Variants in ASB3 observed in about 807,000 individuals in gnomAD.
ASB3 encodes the protein ankyrin repeat and SOCS box containing 3.
A neutral mutation model predicts 54.5 loss-of-function variants in ASB3; 41 were observed. That is an observed-to-expected ratio of 0.75 (90% CI 0.59 to 0.98). The LOEUF is 0.98. Ranked by LOEUF, ASB3 falls within the 50% of genes least tolerant of loss-of-function variation. The probability of loss-of-function intolerance (pLI) is 0.00; values close to 1 mark genes in which losing one functional copy is unlikely to be tolerated. For synonymous variants in ASB3, 266 were observed against 221.2 expected (o/e 1.20, Z -1.80); for missense variants, 733 against 620.0 (o/e 1.18, Z -1.94).
chr2:53,774,058 G>T, intron 1 of ASB3: 1 of 1,344,940 alleles, frequency 7.4e-7, no homozygotes, highest in South Asian at 1.4e-5. Flanking sequence ...AAGAATATAT[G>T]AGATACTCCC....
intron 9 of ASB3, among the ~76,000 whole-genome samples, chr2:53,676,260 G>A (rs1020527894): frequency 3.3e-5 from 5 of 152,070 alleles, no homozygotes; most frequent in Admixed American, 6.5e-5. Context: ...ATACTACTTC[G>A]TGCAATTCTG....
intron 5 of ASB3, among the ~76,000 whole-genome samples, chr2:53,717,287 T>C (rs193151062): frequency 3.7e-4 from 57 of 152,302 alleles, no homozygotes; most frequent in Admixed American, 2.4e-3. Flanking sequence ...ATCCAAATTA[T>C]GCCACTAATT....
intron 3 of ASB3, among the ~76,000 whole-genome samples, chr2:53,739,412 C>G (rs1407728143): frequency 6.6e-6 from 1 of 152,028 alleles, no homozygotes; most frequent in African/African-American, 2.4e-5. Flanking sequence ...CATGTAAGTA[C>G]TAAATCTAAC....
intron 3 of ASB3, among the ~76,000 whole-genome samples, chr2:53,734,982 C>A (rs560048941): frequency 7.1e-6 from 1 of 141,516 alleles, no homozygotes; most frequent in Non-Finnish European, 1.5e-5. Context: ...TGCAGTGGTG[C>A]GATCTTGGCT....
chr2:53,700,669 A>T, intron 7 of ASB3, 141 bp from the exon 8 acceptor site: 1 of 1,246,738 alleles, frequency 8.0e-7, no homozygotes, highest in Non-Finnish European at 1.1e-6. Context: ...CATCTAGTGG[A>T]TTGAGATTAG....
intron 2 of ASB3, among the ~76,000 whole-genome samples, chr2:53,757,802 G>C (rs1176182185): frequency 1.3e-5 from 2 of 152,170 alleles, no homozygotes; most frequent in Non-Finnish European, 2.9e-5. Context: ...TTTGTAAATG[G>C]CTAGGAGGAT....
chr2:53,690,138 A>C (rs1409789883), intron 9 of ASB3, among the ~76,000 whole-genome samples: 1 of 152,072 alleles, frequency 6.6e-6, no homozygotes, highest in Admixed American at 6.6e-5. Flanking sequence ...CGGGAGGCTG[A>C]GGTGGGAAGA....
At chr2:53,696,529 T>A (rs993702661) in intron 8 of ASB3, among the ~76,000 whole-genome samples, 1 of 152,100 alleles carries the variant, frequency 6.6e-6, no homozygotes, top group African/African-American at 2.4e-5. Flanking sequence ...AATGTTTGAT[T>A]TTTTCCCCCT....
intron 5 of ASB3, among the ~76,000 whole-genome samples, chr2:53,721,470 C>A (rs980955783): frequency 6.6e-6 from 1 of 150,802 alleles, no homozygotes; most frequent in South Asian, 2.1e-4. Context: ...ACTCAGGAGA[C>A]TGAGGCAGGA....
At chr2:53,688,264 G>T (rs1481467794) in intron 9 of ASB3, among the ~76,000 whole-genome samples, 2 of 152,196 alleles carry the variant, frequency 1.3e-5, no homozygotes, top group African/African-American at 4.8e-5. Flanking sequence ...TTTACTTCTT[G>T]CTCATGCAAA....
intron 9 of ASB3, 58 bp from the exon 10 acceptor site, chr2:53,670,748 A>T: frequency 6.5e-7 from 1 of 1,531,736 alleles, no homozygotes; most frequent in Non-Finnish European, 8.7e-7. Flanking sequence ...GTAATAGCAC[A>T]TAAAGGTAAA....
intron 2 of ASB3, among the ~76,000 whole-genome samples, chr2:53,758,863 A>G (rs1672984019): frequency 6.6e-6 from 1 of 152,190 alleles, no homozygotes; most frequent in Non-Finnish European, 1.5e-5. Flanking sequence ...AAACGCCCCT[A>G]AGATATATTC....
intron 2 of ASB3, among the ~76,000 whole-genome samples, chr2:53,755,642 C>T (rs1308548398): frequency 6.6e-6 from 1 of 151,950 alleles, no homozygotes; most frequent in Non-Finnish European, 1.5e-5. Context: ...AAATAATTTC[C>T]ACAATGCAAG....
At chr2:53,707,661 A>G (rs1365966315) in intron 7 of ASB3, among the ~76,000 whole-genome samples, 1 of 148,290 alleles carries the variant, frequency 6.7e-6, no homozygotes, top group African/African-American at 2.5e-5. Context: ...AAAAAAAAAA[A>G]GAAAGAAATG....
intron 1 of ASB3, among the ~76,000 whole-genome samples, chr2:53,780,252 A>G (rs989464726): frequency 1.3e-5 from 2 of 152,084 alleles, no homozygotes; most frequent in African/African-American, 4.8e-5. Flanking sequence ...GTATTTGTCA[A>G]ATTTCACTTC....
At chr2:53,749,626 C>T (rs1672411156) in intron 3 of ASB3, among the ~76,000 whole-genome samples, 1 of 151,846 alleles carries the variant, frequency 6.6e-6, no homozygotes, top group Non-Finnish European at 1.5e-5. Flanking sequence ...ATTCAGCTAA[C>T]AAAAAGAAAT....
intron 3 of ASB3, among the ~76,000 whole-genome samples, chr2:53,736,483 G>A (rs570544338): frequency 5.3e-5 from 8 of 152,052 alleles, no homozygotes; most frequent in African/African-American, 1.9e-4. Flanking sequence ...CGGATCGCGA[G>A]GTCAGGAAAT....
At chr2:53,776,093 A>G (rs1674318573) in intron 1 of ASB3, among the ~76,000 whole-genome samples, 1 of 152,214 alleles carries the variant, frequency 6.6e-6, no homozygotes, top group Non-Finnish European at 1.5e-5. Context: ...AACACAATAT[A>G]CTTACTAAAA....
chr2:53,727,542 G>C (rs1187203164), intron 5 of ASB3, among the ~76,000 whole-genome samples: 3 of 152,032 alleles, frequency 2.0e-5, no homozygotes, highest in Non-Finnish European at 4.4e-5. Flanking sequence ...AGGCTAAAGG[G>C]GCAAAATCGC....
Sources: allele counts gnomAD v4.1 joint callset (sites outside exome capture counted in the v4.1 genomes callset), GRCh38; gene constraint gnomAD v4.1.1; transcripts MANE v1.5; gene names NCBI Gene and HGNC (gene_info 2026-07-23, HGNC 2026-07-21).